Variants in KCTD8 observed in about 807,000 individuals in gnomAD.
KCTD8 encodes the protein potassium channel tetramerization domain containing 8.
Under a neutral mutation model 31.5 loss-of-function variants are expected in KCTD8, and 27 were observed. That is an observed-to-expected ratio of 0.86 (90% CI 0.63 to 1.18). The LOEUF is 1.18. Among genes scored for constraint, KCTD8 ranks in the 50% most tolerant of loss-of-function variants. The pLI is 0.00. For synonymous variants in KCTD8, 290 were observed against 280.0 expected, an observed-to-expected ratio of 1.04 and a Z score of -0.36; for missense variants, 658 against 647.7, an observed-to-expected ratio of 1.02 and a Z score of -0.17.
rs980283375 is a variant in KCTD8 at position 44,278,081 on chromosome 4, C to T, written c.962-102831G>A. On this transcript the variant is annotated intron_variant, in intron 1 of 1. Transcript: ENST00000360029. ...TGAGTTCCTGACACAGTTACCTACT[C>T]TCTGTTTTTCATCACTTTTGGTTTC... Among the ~76,000 whole-genome samples, 6 of 152,076 alleles carry T rather than the reference C, an allele frequency of 3.9e-5. 2 individuals are homozygous for T.
At chr4:44,434,159 C>T (rs577748418) in intron 1 of KCTD8, among the ~76,000 whole-genome samples, 2 of 151,954 alleles carry the variant, frequency 1.3e-5, no homozygotes, top group South Asian at 2.1e-4. Context: ...TACATGAATG[C>T]CCACATTTCT....
intron 1 of KCTD8, among the ~76,000 whole-genome samples, chr4:44,247,835 T>G (rs1715711242): frequency 6.6e-6 from 1 of 151,920 alleles, no homozygotes; most frequent in Non-Finnish European, 1.5e-5. Context: ...GGCATATATA[T>G]CTCACATTTT....
intron 1 of KCTD8, among the ~76,000 whole-genome samples, chr4:44,186,582 A>G (rs1713594487): frequency 6.6e-6 from 1 of 152,202 alleles, no homozygotes; most frequent in East Asian, 1.9e-4. Flanking sequence ...AAGGAGCTGT[A>G]AACATTCACC....
At chr4:44,446,328 G>A (rs1333068869) in intron 1 of KCTD8, among the ~76,000 whole-genome samples, 1 of 152,240 alleles carries the variant, frequency 6.6e-6, no homozygotes, top group Non-Finnish European at 1.5e-5. Flanking sequence ...ATTTAAGCTG[G>A]TCTATTTCCA....
At chr4:44,426,920 G>A (rs926311026) in intron 1 of KCTD8, among the ~76,000 whole-genome samples, 95 of 151,740 alleles carry the variant, frequency 6.3e-4, no homozygotes, top group Non-Finnish European at 4.4e-5. Context: ...ATTCCAAAAT[G>A]AGATATTAGC....
chr4:44,231,628 T>C (rs1449323542), intron 1 of KCTD8, among the ~76,000 whole-genome samples: 1 of 152,154 alleles, frequency 6.6e-6, no homozygotes, highest in Non-Finnish European at 1.5e-5. Flanking sequence ...TTAGAAGCAG[T>C]AGGAAATCTG....
At chr4:44,319,383 T>G (rs752772884) in intron 1 of KCTD8, among the ~76,000 whole-genome samples, 1 of 150,738 alleles carries the variant, frequency 6.6e-6, no homozygotes, top group Non-Finnish European at 1.5e-5. Context: ...ATGTCTAAAA[T>G]GTATAGCGAA....
At chr4:44,279,907 T>G (rs963175455) in intron 1 of KCTD8, among the ~76,000 whole-genome samples, 2 of 152,188 alleles carry the variant, frequency 1.3e-5, no homozygotes, top group Admixed American at 6.6e-5. Flanking sequence ...TCTATTTTGA[T>G]CTCATTCATA....
chr4:44,222,146 G>A (rs774180815), intron 1 of KCTD8, among the ~76,000 whole-genome samples: 29 of 152,170 alleles, frequency 1.9e-4, no homozygotes, highest in Non-Finnish European at 2.9e-4. Context: ...ACTCAGAGAA[G>A]CAGAATTGCT....
At chr4:44,274,064 C>G (rs1469721731) in intron 1 of KCTD8, among the ~76,000 whole-genome samples, 4 of 151,896 alleles carry the variant, frequency 2.6e-5, no homozygotes, top group African/African-American at 9.7e-5. Flanking sequence ...TCCCTGTATT[C>G]TTTAACTCTA....
chr4:44,289,500 G>A (rs1717205347), intron 1 of KCTD8, among the ~76,000 whole-genome samples: 1 of 152,096 alleles, frequency 6.6e-6, no homozygotes, highest in South Asian at 2.1e-4. Context: ...CAGACCCTGA[G>A]GGTAAAGAGA....
At chr4:44,322,274 T>G (rs537133717) in intron 1 of KCTD8, among the ~76,000 whole-genome samples, 1 of 152,204 alleles carries the variant, frequency 6.6e-6, no homozygotes, top group African/African-American at 2.4e-5. Flanking sequence ...TGCTGTCTTT[T>G]TTATAATAGC....
chr4:44,408,393 T>C (rs953059714), intron 1 of KCTD8, among the ~76,000 whole-genome samples: 2 of 152,204 alleles, frequency 1.3e-5, no homozygotes, highest in African/African-American at 2.4e-5. Flanking sequence ...TACTTAAACA[T>C]TGTATGCATT....
intron 1 of KCTD8, among the ~76,000 whole-genome samples, chr4:44,361,033 A>G (rs1163924366): frequency 6.6e-6 from 1 of 152,006 alleles, no homozygotes; most frequent in African/African-American, 2.4e-5. Flanking sequence ...CATATATGCC[A>G]TTATGTTCAC....
chr4:44,313,244 G>A (rs939859124), intron 1 of KCTD8, among the ~76,000 whole-genome samples: 4 of 152,082 alleles, frequency 2.6e-5, no homozygotes, highest in South Asian at 2.1e-4. Flanking sequence ...CTCATCAGTG[G>A]CATCAAATGC....
At chr4:44,252,822 T>C (rs1350087847) in intron 1 of KCTD8, among the ~76,000 whole-genome samples, 2 of 151,680 alleles carry the variant, frequency 1.3e-5, no homozygotes, top group Non-Finnish European at 1.5e-5. Context: ...TACTTTAAAA[T>C]TCACTGAATT....
chr4:44,296,850 C>T (rs1717450733), intron 1 of KCTD8, among the ~76,000 whole-genome samples: 2 of 151,928 alleles, frequency 1.3e-5, no homozygotes, highest in Admixed American at 1.3e-4. Context: ...AAGAATGACA[C>T]CCCAAAGATT....
chr4:44,344,553 C>T (rs981757629), intron 1 of KCTD8, among the ~76,000 whole-genome samples: 1 of 152,122 alleles, frequency 6.6e-6, no homozygotes, highest in African/African-American at 2.4e-5. Flanking sequence ...GTTGCATAGA[C>T]TATTGGGACA....
chr4:44,217,792 T>C (rs1714691459), intron 1 of KCTD8, among the ~76,000 whole-genome samples: 1 of 147,650 alleles, frequency 6.8e-6, no homozygotes, highest in African/African-American at 2.5e-5. Context: ...CTTTGGCTTT[T>C]AGACTCCTGG....
Sources: gnomAD v4.1 joint callset for allele counts (sites outside exome capture counted in the v4.1 genomes callset) on GRCh38, gnomAD v4.1.1 for gene constraint, MANE v1.5 for transcripts, NCBI Gene and HGNC (gene_info 2026-07-23, HGNC 2026-07-21) for gene names.